The following BTG4 variants were observed in gnomAD, a reference collection of about 807,000 sequenced individuals.
BTG4 encodes the protein BTG anti-proliferation factor 4.
A neutral mutation model predicts 19.3 loss-of-function variants in BTG4; 10 were observed. The ratio of observed to expected loss-of-function variants is 0.52; its 90% confidence interval spans 0.32 to 0.88. BTG4 has a LOEUF of 0.88. BTG4 is among the 40% of genes least tolerant of loss of function. The pLI, the probability that BTG4 is intolerant of heterozygous loss-of-function variation, is 0.04. For synonymous variants in BTG4, 91 were observed against 95.7 expected (o/e 0.95, Z 0.29); for missense variants, 238 against 281.9 (o/e 0.84, Z 1.11).
At position 111,495,245 on chromosome 11, in the gene BTG4, G is replaced by A. The variant is rs933415825; in HGVS notation, c.580C>T (p.Arg194Cys). ...IPRKKNVVDG[R>C]VGLLGNTYHG... The stretch of plus-strand genomic sequence containing the variant: ...TAAGTGTTTCCCAGGAGGCCAACAC[G>A]GCCGTCCACCACATTCTTTTTGCGG... The change falls in exon 5 of 5, where the codon CGT becomes TGT. Residue 194 changes from arginine to cysteine, a missense_variant. Physicochemically the swap from Arg to Cys is radical, Grantham distance 180. Transcript: ENST00000692032. 20 of 1,612,382 alleles carry A rather than the reference G, an allele frequency of 1.2e-5. No homozygotes were observed. The highest frequency in any genetic ancestry group is 2.2e-5 in the South Asian group (2 of 90,666).
At chr11:111,487,563 C>T (rs1196327757) in intron 5 of BTG4, among the ~76,000 whole-genome samples, 1 of 152,094 alleles carries the variant, frequency 6.6e-6, no homozygotes, top group Admixed American at 6.6e-5. Context: ...CAACGATGCC[C>T]ACTTTCACCA....
chr11:111,488,307 A>C (rs916217398), intron 5 of BTG4, among the ~76,000 whole-genome samples: 2 of 152,238 alleles, frequency 1.3e-5, no homozygotes, highest in African/African-American at 4.8e-5. Flanking sequence ...CCATGCATTT[A>C]TAGTCAACTC....
the BTG4 span, among the ~76,000 whole-genome samples, chr11:111,400,597 G>C: frequency 6.6e-6 from 1 of 152,196 alleles, no homozygotes; most frequent in East Asian, 1.9e-4. Context: ...ACATAAGTGA[G>C]GAAAACTCAA....
chr11:111,401,626 T>A, the BTG4 span, among the ~76,000 whole-genome samples: 1 of 152,226 alleles, frequency 6.6e-6, no homozygotes, highest in African/African-American at 2.4e-5. Context: ...GGGTGGGCAA[T>A]GTCATTCATG....
the BTG4 span, among the ~76,000 whole-genome samples, chr11:111,425,122 T>C: frequency 0.98 from 148,846 of 152,218 alleles, 72,874 homozygotes; most frequent in Non-Finnish European, 1. Context: ...AATGGGTAGG[T>C]GTGGAACAAA....
intron 5 of BTG4, among the ~76,000 whole-genome samples, chr11:111,473,093 A>G (rs973695902): frequency 3.3e-5 from 5 of 152,128 alleles, no homozygotes; most frequent in Non-Finnish European, 7.4e-5. Flanking sequence ...AAAAAAAAAA[A>G]ACACCAAACT....
At chr11:111,501,098 T>A (rs141751822) in intron 1 of BTG4, among the ~76,000 whole-genome samples, 1 of 151,922 alleles carries the variant, frequency 6.6e-6, no homozygotes, top group Non-Finnish European at 1.5e-5. Context: ...GCTGGGCAGA[T>A]GGCCTCATGC....
chr11:111,484,606 C>T (rs1010856423), intron 5 of BTG4, among the ~76,000 whole-genome samples: 2 of 151,966 alleles, frequency 1.3e-5, no homozygotes, highest in Non-Finnish European at 1.5e-5. Context: ...ATGCTATTTG[C>T]AAGCTTCACG....
At chr11:111,449,148 G>C in the BTG4 span, among the ~76,000 whole-genome samples, 1 of 152,028 alleles carries the variant, frequency 6.6e-6, no homozygotes, top group Non-Finnish European at 1.5e-5. Flanking sequence ...ACCCTTACCA[G>C]AACAGGCTGG....
the BTG4 span, among the ~76,000 whole-genome samples, chr11:111,460,900 C>T: frequency 6.6e-6 from 1 of 152,186 alleles, no homozygotes; most frequent in Admixed American, 6.5e-5. Flanking sequence ...ACCCCCATGG[C>T]ATCCCCATCC....
At chr11:111,454,990 G>C in the BTG4 span, 2 of 456,434 alleles carry the variant, frequency 4.4e-6, no homozygotes, top group Admixed American at 4.7e-5. Flanking sequence ...TAAACTTCTG[G>C]GTGAAGCCCG....
At chr11:111,470,992 C>T (rs1229425002) in intron 5 of BTG4, among the ~76,000 whole-genome samples, 2 of 152,160 alleles carry the variant, frequency 1.3e-5, no homozygotes, top group Non-Finnish European at 2.9e-5. Context: ...AAATAAAAAT[C>T]ATAAAATTTA....
the BTG4 span, among the ~76,000 whole-genome samples, chr11:111,459,068 C>T: frequency 6.6e-6 from 1 of 152,024 alleles, no homozygotes; most frequent in Admixed American, 6.6e-5. Flanking sequence ...ATGGTGAAAC[C>T]CCGTCTCTAC....
At chr11:111,495,360 A>T (rs1186484300) in intron 4 of BTG4, 46 bp from the exon 5 acceptor site, 3 of 1,501,142 alleles carry the variant, frequency 2.0e-6, no homozygotes, top group Non-Finnish European at 2.8e-6. Flanking sequence ...AGCTGTAAGG[A>T]CTAAATATGA....
At chr11:111,437,846 T>G in the BTG4 span, among the ~76,000 whole-genome samples, 13 of 152,310 alleles carry the variant, frequency 8.5e-5, no homozygotes, top group Non-Finnish European at 1.9e-4. Context: ...GGTTTTCTTT[T>G]CAGCCCTGGT....
the BTG4 span, among the ~76,000 whole-genome samples, chr11:111,394,022 C>T: frequency 2.6e-5 from 4 of 152,310 alleles, no homozygotes; most frequent in South Asian, 8.3e-4. Context: ...ACAAGAGTTC[C>T]TCACCAGGCT....
At chr11:111,443,890 A>G in the BTG4 span, among the ~76,000 whole-genome samples, 4 of 152,222 alleles carry the variant, frequency 2.6e-5, no homozygotes. Flanking sequence ...ACGCTTAGCA[A>G]CACAGGTGAG....
the BTG4 span, among the ~76,000 whole-genome samples, chr11:111,441,781 G>A: frequency 2.6e-5 from 4 of 152,158 alleles, no homozygotes; most frequent in Non-Finnish European, 4.4e-5. Context: ...GAGTTGGGCC[G>A]GGCATGGTGG....
At chr11:111,402,671 G>A in the BTG4 span, among the ~76,000 whole-genome samples, 4 of 152,172 alleles carry the variant, frequency 2.6e-5, no homozygotes, top group East Asian at 5.8e-4. Flanking sequence ...GGGTTAGTGT[G>A]TAGGAAGAGT....
Sources: allele counts gnomAD v4.1 joint callset (sites outside exome capture counted in the v4.1 genomes callset), GRCh38; gene constraint gnomAD v4.1.1; transcripts MANE v1.5; gene names NCBI Gene and HGNC (gene_info 2026-07-23, HGNC 2026-07-21).